The following FAT3 variants were observed in gnomAD, a reference collection of about 807,000 sequenced individuals.
The protein encoded by FAT3 is FAT atypical cadherin 3.
FAT3 carries 95 observed loss-of-function variants against 310.2 expected under a neutral mutation model. The observed-to-expected ratio is 0.31, with a 90% CI of 0.26 to 0.36. The LOEUF is 0.36. Among genes scored for constraint, FAT3 ranks in the 10% least tolerant of loss-of-function variants. The probability of loss-of-function intolerance (pLI) is 1.00; values close to 1 mark genes in which losing one functional copy is unlikely to be tolerated. For synonymous variants in FAT3, 2,314 were observed against 2,192.9 expected (o/e 1.06, Z -1.54); for missense variants, 5,408 against 5,715.6 (o/e 0.95, Z 1.74).
At chr11:92,259,865 C>T (rs548935650) in intron 1 of FAT3, among the ~76,000 whole-genome samples, 1 of 152,264 alleles carries the variant, frequency 6.6e-6, no homozygotes, top group African/African-American at 2.4e-5. Context: ...AACCTGCTTT[C>T]ATCTCCTCTT....
chr11:92,401,696 A>T (rs562989860), intron 2 of FAT3, among the ~76,000 whole-genome samples: 8 of 152,294 alleles, frequency 5.3e-5, no homozygotes, highest in Middle Eastern at 3.4e-3. Flanking sequence ...CAGTAATAAT[A>T]ATAGGGGAGC....
intron 4 of FAT3, among the ~76,000 whole-genome samples, chr11:92,760,660 T>C (rs1320514092): frequency 6.6e-6 from 1 of 152,236 alleles, no homozygotes; most frequent in Admixed American, 6.5e-5. Flanking sequence ...TGGGAATAAA[T>C]AAACCTGCTT....
intron 22 of FAT3, among the ~76,000 whole-genome samples, chr11:92,878,653 AAAAAAAAAAAAAAAG>A (rs1440464514): frequency 0.011 from 1,520 of 135,078 alleles, 89 homozygotes; most frequent in African/African-American, 0.043. Flanking sequence ...AAAAAAAAAA[AAAAAAAAAAAAAAAG>A]CTCCGCACAA....
Position 92,883,014 on chromosome 11 carries a change from C to G in FAT3, c.12558C>G (p.Arg4186=). ...AGGTCTTCCGCAAGAACTACTCCCGCAACAACATCACGCTAGTGCAGGACC... is the reference window on the plus strand; with the variant it reads ...AGGTCTTCCGCAAGAACTACTCCCGGAACAACATCACGCTAGTGCAGGACC... The part of the protein sequence containing the change: ...RKKVFRKNYS[R]NNITLVQDPA... The change falls in exon 24 of 28, where the codon CGC becomes CGG. Residue 4186 remains arginine (R), a synonymous_variant. Coordinates refer to ENST00000525166, the MANE Select transcript of FAT3 (RefSeq NM_001367949.2). The surrounding 1 kb of genome is among the most constrained non-coding windows in gnomAD (Gnocchi z 4.2). 6.2e-7 allele frequency: 1 copy of G among 1,613,914 alleles called. No homozygotes were observed. The highest frequency in any genetic ancestry group is 8.5e-7 in the Non-Finnish European group (1 of 1,179,896).
At position 92,355,281 on chromosome 11, in the gene FAT3, C is replaced by T. The variant is rs373284411; in HGVS notation, c.3169C>T (p.Arg1057Cys). The part of the protein sequence containing the change: ...AVVGSVKENS[R>C]IGTSVLQVTA... ...TGTTGGATCTGTAAAGGAAAACTCA[C>T]GCATTGGAACAAGCGTGCTGCAGGT... The change falls in exon 2 of 28, where the codon CGC becomes TGC. Residue 1057 changes from arginine to cysteine, a missense_variant. By Grantham distance (180) the Arg-to-Cys change is radical. Coordinates refer to ENST00000525166, the MANE Select transcript of FAT3 (RefSeq NM_001367949.2). 15 of 1,613,778 alleles carry T rather than the reference C, an allele frequency of 9.3e-6. 1 individual carries two copies. The highest frequency in any genetic ancestry group is 1.7e-4 in the Middle Eastern group (1 of 6,060).
chr11:92,286,847 A>G (rs533284972), intron 1 of FAT3, among the ~76,000 whole-genome samples: 3 of 152,172 alleles, frequency 2.0e-5, no homozygotes, highest in Non-Finnish European at 4.4e-5. Context: ...ACTGACTTCA[A>G]GTTGACTCAT....
At chr11:92,241,189 G>A (rs921606250) in intron 1 of FAT3, among the ~76,000 whole-genome samples, 2 of 152,092 alleles carry the variant, frequency 1.3e-5, no homozygotes, top group African/African-American at 4.8e-5. Context: ...TATCCTGGGT[G>A]TTTAACTCTT....
intron 3 of FAT3, among the ~76,000 whole-genome samples, chr11:92,689,868 G>T (rs1159619521): frequency 6.6e-6 from 1 of 152,160 alleles, no homozygotes; most frequent in East Asian, 1.9e-4. Context: ...TCCCTCCCTT[G>T]TTGGCCCCAC....
At chr11:92,504,128 A>G (rs1033223131) in intron 2 of FAT3, among the ~76,000 whole-genome samples, 3 of 152,300 alleles carry the variant, frequency 2.0e-5, no homozygotes, top group Non-Finnish European at 4.4e-5. Context: ...TAGAGCAGCC[A>G]TAACTGTCAG....
chr11:92,267,712 TA>T (rs1946008670), intron 1 of FAT3, among the ~76,000 whole-genome samples: 1 of 152,098 alleles, frequency 6.6e-6, no homozygotes, highest in Admixed American at 6.6e-5. Context: ...TAAAGGAAAA[TA>T]AAAAGAAATC....
chr11:92,489,892 T>TC (rs1489042797), intron 2 of FAT3, among the ~76,000 whole-genome samples: 6 of 151,334 alleles, frequency 4.0e-5, no homozygotes, highest in African/African-American at 1.5e-4. Flanking sequence ...TTTTTCTTTT[T>TC]TTTTTTTTTT....
At chr11:92,677,764 G>A (rs1264571812) in intron 3 of FAT3, among the ~76,000 whole-genome samples, 1 of 152,168 alleles carries the variant, frequency 6.6e-6, no homozygotes, top group Non-Finnish European at 1.5e-5. Flanking sequence ...GGTTATTGGT[G>A]TTTTGAACAA....
intron 1 of FAT3, among the ~76,000 whole-genome samples, chr11:92,326,666 C>A (rs1248169233): frequency 6.6e-6 from 1 of 152,170 alleles, no homozygotes; most frequent in African/African-American, 2.4e-5. Flanking sequence ...AATAAATAAG[C>A]ATGAAGCCTG....
chr11:92,237,825 AG>A (rs1864492379), intron 1 of FAT3, among the ~76,000 whole-genome samples: 1 of 152,162 alleles, frequency 6.6e-6, no homozygotes, highest in Non-Finnish European at 1.5e-5. Flanking sequence ...GAGAAATTAT[AG>A]GTGGTATTTG....
chr11:92,889,970 G>C, intron 27 of FAT3, 79 bp downstream of exon 27: 1 of 717,510 alleles, frequency 1.4e-6, no homozygotes. Flanking sequence ...CTGTTCCTGT[G>C]CCTCTGCCCT....
At chr11:92,607,976 TA>T (rs753920687) in intron 3 of FAT3, among the ~76,000 whole-genome samples, 16 of 152,126 alleles carry the variant, frequency 1.1e-4, no homozygotes, top group Non-Finnish European at 2.1e-4. Context: ...ATCAAGTAAA[TA>T]GAGTACCTTC....
rs913078704 is a variant in FAT3 at position 92,837,719 on chromosome 11, A to G, written c.10281A>G (p.Ser3427=). 6.8e-5 allele frequency: 110 copies of G among 1,613,856 alleles called. No homozygotes were observed. The highest frequency in any genetic ancestry group is 9.0e-5 in the Non-Finnish European group (106 of 1,179,896). The stretch of plus-strand genomic sequence containing the variant: ...TAGACAGTGGCATTCCTGCAATGTC[A>G]TCAACTGCAACTGTCAACATTGATA... The part of the protein sequence containing the change: ...QAVDSGIPAM[S]STATVNIDIS... Residue 3427 remains serine (S), a synonymous_variant, in exon 17 of 28, where the codon TCA becomes TCG. Coordinates refer to ENST00000525166, the MANE Select transcript of FAT3 (RefSeq NM_001367949.2).
intron 3 of FAT3, among the ~76,000 whole-genome samples, chr11:92,577,356 A>G (rs521827): frequency 0.75 from 114,603 of 151,816 alleles, 45,153 homozygotes; most frequent in Non-Finnish European, 0.88. Flanking sequence ...TAATCCACCC[A>G]CCTCACCTCC....
At chr11:92,578,761 C>T (rs73552377) in intron 3 of FAT3, among the ~76,000 whole-genome samples, 2,680 of 152,208 alleles carry the variant, frequency 0.018, 76 homozygotes, top group African/African-American at 0.057. Context: ...CCTTCCATCT[C>T]TCACAGATGA....
Sources: gnomAD v4.1 joint callset for allele counts (sites outside exome capture counted in the v4.1 genomes callset) on GRCh38, gnomAD v4.1.1 for gene constraint, Gnocchi (gnomAD v3.1) non-coding constraint, MANE v1.5 for transcripts, NCBI Gene and HGNC (gene_info 2026-07-23, HGNC 2026-07-21) for gene names.